The following LRIG3 variants were observed in gnomAD, a reference collection of about 807,000 sequenced individuals.
LRIG3 encodes leucine-rich repeats and immunoglobulin-like domains protein 3.
LRIG3 carries 76 observed loss-of-function variants against 114.5 expected under a neutral mutation model. That is an observed-to-expected ratio of 0.66 (90% CI 0.55 to 0.80). The LOEUF (loss-of-function observed/expected upper bound fraction) is 0.80. Among genes scored for constraint, LRIG3 ranks in the 30% least tolerant of loss-of-function variants. LRIG3 has a pLI of 0.00. For missense variants in LRIG3, 1,239 were observed against 1,382.8 expected (o/e 0.90, Z 1.65); for synonymous variants, 512 against 519.8 (o/e 0.98, Z 0.20).
intron 3 of LRIG3, among the ~76,000 whole-genome samples, chr12:58,895,014 G>T (rs1415482965): frequency 6.6e-6 from 1 of 152,208 alleles, no homozygotes; most frequent in Non-Finnish European, 1.5e-5. Flanking sequence ...TGGAAAAACA[G>T]GAGAACCACG....
At position 58,874,147 on chromosome 12, in the gene LRIG3, G is replaced by A. The variant is rs938649528; in HGVS notation, c.3023C>T (p.Pro1008Leu). The A allele has an allele frequency of 4.3e-6, 7 of 1,614,154 alleles. No individual in the cohort carries two copies. The highest frequency in any genetic ancestry group is 1.1e-5 in the South Asian group (1 of 91,088). The part of the protein sequence containing the change: ...LNTSYSHNEG[P>L]GMKNLCLNKS... ...GTTTAGACACAGATTTTTCATTCCA[G>A]GTCCTTCATTGTGAGAGTAACTAGT... The change falls in exon 18 of 19, where the codon CCT (proline) becomes CTT (leucine). Residue 1008 changes from proline to leucine, a missense_variant. Physicochemically the swap from Pro to Leu is moderately conservative, Grantham distance 98. Transcript: ENST00000320743.
intron 3 of LRIG3, among the ~76,000 whole-genome samples, chr12:58,902,720 T>TC (rs1302028469): frequency 1.3e-5 from 1 of 79,534 alleles, no homozygotes; most frequent in Non-Finnish European, 2.3e-5. Flanking sequence ...CCCTCCTCCC[T>TC]CCCCCCACCC....
rs753684602 is a variant in LRIG3 at position 58,914,312 on chromosome 12, A to G, written c.261T>C (p.Ser87=). Residue 87 remains serine (S), a synonymous_variant, in exon 2 of 19, where the codon TCT becomes TCC. Coordinates refer to ENST00000320743, the MANE Select transcript of LRIG3 (RefSeq NM_153377.5). The part of the protein sequence containing the change: ...ARLDLSHNRL[S]FIKASSMSHL... ...GGCTCATGGAACTTGCCTTGATGAA[A>G]GATAATCTGTTGTGACTTAAGTCCC... 2.5e-6 allele frequency: 4 copies of G among 1,613,914 alleles called. No individual in the cohort carries two copies. In the South Asian group the frequency reaches 4.4e-5, roughly 18 times the overall value.
intron 13 of LRIG3, among the ~76,000 whole-genome samples, chr12:58,879,473 T>A (rs1565614269): frequency 1.3e-5 from 2 of 152,136 alleles, no homozygotes; most frequent in Admixed American, 6.5e-5. Flanking sequence ...ATTTTTTTTT[T>A]AAAGTCTCTC....
At chr12:58,883,684 CCAAA>C in intron 10 of LRIG3, 93 bp from the exon 11 acceptor site, 2 of 773,536 alleles carry the variant, frequency 2.6e-6, no homozygotes, top group East Asian at 2.7e-5. Flanking sequence ...ACCCCATTTG[CCAAA>C]CAAATACTCC....
In LRIG3 at chr12:58,889,977, A is replaced by G. The variant is rs1346269885; in HGVS notation, c.659+19T>C. 5.0e-6 allele frequency: 8 copies of G among 1,612,648 alleles called. No individual in the cohort carries two copies. The highest frequency in any genetic ancestry group is 6.8e-6 in the Non-Finnish European group (8 of 1,179,148). On this transcript the variant is annotated intron_variant, in intron 5 of 18. Coordinates refer to ENST00000320743, the MANE Select transcript of LRIG3 (RefSeq NM_153377.5). ...TTGGAGGAGGTGAGAAACAGTATCT[A>G]AGAGGACATTTTACTTACAGATGTT...
At chr12:58,886,661 C>A in intron 9 of LRIG3, 149 bp downstream of exon 9, 2 of 564,228 alleles carry the variant, frequency 3.5e-6, no homozygotes, top group Non-Finnish European at 3.1e-6. Flanking sequence ...TGCGCAACAG[C>A]AGGCATTTGG....
chr12:58,885,451 T>C (rs1871245622), intron 10 of LRIG3, among the ~76,000 whole-genome samples: 1 of 152,070 alleles, frequency 6.6e-6, no homozygotes, highest in African/African-American at 2.4e-5. Context: ...AATTGTATTC[T>C]GACTAAGAAT....
rs1041185736 is a variant in LRIG3 at position 58,919,981 on chromosome 12, C to A, written c.236+19G>T. On this transcript the variant is annotated intron_variant, in intron 1 of 18. Coordinates refer to ENST00000320743, the MANE Select transcript of LRIG3 (RefSeq NM_153377.5). The stretch of plus-strand genomic sequence containing the variant: ...CTCCAGCGGCCCGGGCCCCCTCCCC[C>A]CGCGGGAAGAATACTTACAGCCGAG... The A allele has an allele frequency of 6.5e-7, 1 of 1,549,048 alleles. No individual in the cohort carries two copies.
chr12:58,875,630 C>T (rs996835738), intron 16 of LRIG3, among the ~76,000 whole-genome samples: 32 of 152,190 alleles, frequency 2.1e-4, no homozygotes, highest in Non-Finnish European at 4.3e-4. Flanking sequence ...ATTGTATGTG[C>T]CCCACAGTAC....
intron 3 of LRIG3, among the ~76,000 whole-genome samples, chr12:58,902,261 T>C (rs1168100773): frequency 6.6e-6 from 1 of 151,576 alleles, no homozygotes; most frequent in Non-Finnish European, 1.5e-5. Context: ...AAGCATCTTA[T>C]TCTTAAAAAA....
At chr12:58,908,377 T>C (rs769427008) in intron 3 of LRIG3, among the ~76,000 whole-genome samples, 3 of 152,098 alleles carry the variant, frequency 2.0e-5, no homozygotes, top group Non-Finnish European at 4.4e-5. Flanking sequence ...TCAGGGCCTG[T>C]CAAAGTAGTT....
intron 3 of LRIG3, among the ~76,000 whole-genome samples, chr12:58,892,042 GAAA>G (rs200896365): frequency 8.3e-6 from 1 of 120,770 alleles, no homozygotes. Flanking sequence ...GAAACAAACA[GAAA>G]AAAAAAAAAG....
rs1232023500 is a variant in LRIG3, at chr12:58,888,901, G to C, written c.721C>G (p.Leu241Val). ...TTTCTTTGCATTTTCAGAGACTTCA[G>C]AGCACCAAGGCCTTGGAATGTCAGT... is the stretch of plus-strand genomic sequence containing the variant. Reference protein sequence around the residue: ...DGLTFQGLGALKSLKMQRNGV... With the variant: ...DGLTFQGLGAVKSLKMQRNGV... Residue 241 changes from leucine (L) to valine (V), a missense_variant, in exon 6 of 19, where the codon CTG (leucine) becomes GTG (valine). Leu to Val is a conservative substitution (Grantham distance 32). Transcript: ENST00000320743. The C allele has an allele frequency of 6.2e-7, 1 of 1,613,736 alleles. No individual in the cohort carries two copies. The highest frequency in any genetic ancestry group is 8.5e-7 in the Non-Finnish European group (1 of 1,179,860).
At chr12:58,881,822 A>G (rs1329907942) in intron 12 of LRIG3, among the ~76,000 whole-genome samples, 1 of 152,212 alleles carries the variant, frequency 6.6e-6, no homozygotes, top group African/African-American at 2.4e-5. Context: ...TTTCTGTACT[A>G]TTCTGAAATT....
intron 3 of LRIG3, 75 bp from the exon 4 acceptor site, chr12:58,890,871 C>T: frequency 7.0e-7 from 1 of 1,437,158 alleles, no homozygotes; most frequent in Non-Finnish European, 9.3e-7. Flanking sequence ...TTTTCTATTC[C>T]TGACTGGTTC....
At chr12:58,897,566 A>G (rs928092936) in intron 3 of LRIG3, among the ~76,000 whole-genome samples, 4 of 152,188 alleles carry the variant, frequency 2.6e-5, no homozygotes, top group African/African-American at 9.7e-5. Flanking sequence ...GCAACATTGC[A>G]AGACCCTGTC....
chr12:58,876,177 A>G (rs1002804228), intron 16 of LRIG3, among the ~76,000 whole-genome samples: 1 of 152,270 alleles, frequency 6.6e-6, no homozygotes, highest in Non-Finnish European at 1.5e-5. Flanking sequence ...TTTATAATGT[A>G]AAGGATACAC....
Position 58,888,411 on chromosome 12 carries a change from G to T in LRIG3, c.865C>A (p.Leu289Met), listed in dbSNP as rs748202578. Residue 289 changes from leucine to methionine, a missense_variant, in exon 7 of 19, where the codon CTG becomes ATG. Transcript: ENST00000320743. ...TKGWLYGLLM[L>M]QELHLSQNAI... ...TTTTGGCTGAGATGAAGTTCCTGCA[G>T]CATCAGCAAGCCGTAAAGCCAGCCT... 1 of 1,613,828 alleles carries T rather than the reference G, an allele frequency of 6.2e-7. No individual in the cohort carries two copies. The highest frequency in any genetic ancestry group is 1.1e-5 in the South Asian group (1 of 91,070).
Sources: allele counts gnomAD v4.1 joint callset (sites outside exome capture counted in the v4.1 genomes callset), GRCh38; gene constraint gnomAD v4.1.1; transcripts MANE v1.5; gene names NCBI Gene and HGNC (gene_info 2026-07-23, HGNC 2026-07-21).